The following ZNF385D variants were observed in gnomAD, a reference collection of about 807,000 sequenced individuals.
ZNF385D encodes zinc finger protein 659.
ZNF385D carries 15 observed loss-of-function variants against 35.8 expected under a neutral mutation model. The observed-to-expected ratio is 0.42, with a 90% CI of 0.28 to 0.64. The LOEUF (loss-of-function observed/expected upper bound fraction) is 0.64, where lower values mean the gene tolerates loss of function less well. Among genes scored for constraint, ZNF385D ranks in the 30% least tolerant of loss-of-function variants. The pLI, the probability that ZNF385D is intolerant of heterozygous loss-of-function variation, is 0.23. For synonymous variants in ZNF385D, 212 were observed against 186.8 expected, an observed-to-expected ratio of 1.13 and a Z score of -1.10; for missense variants, 474 against 494.6, an observed-to-expected ratio of 0.96 and a Z score of 0.39.
rs557378920 is a variant in ZNF385D, at chr3:22,313,070, T to TA, written c.106+59379dup. Among the ~76,000 whole-genome samples, 282 of 152,034 alleles carry TA rather than the reference T, an allele frequency of 1.9e-3. 4 individuals carry two copies. The highest frequency in any genetic ancestry group is 5.4e-3 in the African/African-American group (226 of 41,468). On this transcript the variant is annotated intron_variant, in intron 2 of 5. Transcript: ENST00000494108. ...TATACCATGGAATACTATGCAGCCA[T>TA]AAAAAATGATGAGTTCATGTCCTTT...
intron 3 of ZNF385D, among the ~76,000 whole-genome samples, chr3:21,906,634 A>C (rs1699698809): frequency 6.6e-6 from 1 of 151,800 alleles, no homozygotes; most frequent in Non-Finnish European, 1.5e-5. Context: ...GGTCAGTGCC[A>C]CTCTCTTTCT....
At chr3:22,069,278 GT>G (rs1236490435) in intron 3 of ZNF385D, among the ~76,000 whole-genome samples, 1 of 152,094 alleles carries the variant, frequency 6.6e-6, no homozygotes, top group Non-Finnish European at 1.5e-5. Context: ...CTGGCAAATG[GT>G]TCTACATACC....
chr3:22,282,778 GA>G (rs961540130), intron 2 of ZNF385D, among the ~76,000 whole-genome samples: 4 of 151,274 alleles, frequency 2.6e-5, no homozygotes, highest in Non-Finnish European at 3.0e-5. Context: ...ATAACACAAT[GA>G]AAAAAAACAC....
At chr3:22,147,081 A>T (rs1345336251) in intron 3 of ZNF385D, among the ~76,000 whole-genome samples, 1 of 152,200 alleles carries the variant, frequency 6.6e-6, no homozygotes, top group Admixed American at 6.5e-5. Context: ...AGTAAATATT[A>T]CTCTTGACAT....
chr3:21,967,890 C>T (rs1702999415), intron 3 of ZNF385D, among the ~76,000 whole-genome samples: 1 of 152,190 alleles, frequency 6.6e-6, no homozygotes, highest in South Asian at 2.1e-4. Context: ...ACAAAAACCA[C>T]CACCATAAGA....
intron 3 of ZNF385D, among the ~76,000 whole-genome samples, chr3:21,836,916 C>G (rs1695363546): frequency 6.6e-6 from 1 of 152,002 alleles, no homozygotes; most frequent in South Asian, 2.1e-4. Context: ...TTCCACTCTT[C>G]TTCTCTTCCC....
At chr3:21,876,025 C>T (rs543445337) in intron 3 of ZNF385D, among the ~76,000 whole-genome samples, 12 of 152,152 alleles carry the variant, frequency 7.9e-5, no homozygotes, top group South Asian at 2.1e-4. Flanking sequence ...GAAAGAAAAA[C>T]GAGTTACTTC....
At chr3:21,923,570 T>C (rs1030249819) in intron 3 of ZNF385D, among the ~76,000 whole-genome samples, 3 of 152,196 alleles carry the variant, frequency 2.0e-5, no homozygotes, top group Admixed American at 2.0e-4. Flanking sequence ...ATGTTCCTCA[T>C]GGCACTATTT....
At chr3:21,443,417 G>A (rs748327809) in intron 4 of ZNF385D, 4 of 918,670 alleles carry the variant, frequency 4.4e-6, no homozygotes, top group Non-Finnish European at 5.2e-6. Flanking sequence ...AAAATTTTGG[G>A]GGTCTGTCTT....
chr3:21,782,436 C>G (rs553815685), intron 3 of ZNF385D, among the ~76,000 whole-genome samples: 2 of 152,186 alleles, frequency 1.3e-5, no homozygotes, highest in African/African-American at 4.8e-5. Flanking sequence ...CGTTTAAGGT[C>G]ACCAGTTAAC....
intron 3 of ZNF385D, among the ~76,000 whole-genome samples, chr3:21,521,775 A>G (rs970488604): frequency 1.3e-5 from 2 of 152,280 alleles, no homozygotes; most frequent in African/African-American, 4.8e-5. Flanking sequence ...AAACGTCTCT[A>G]TAAAAAAATA....
chr3:22,335,328 G>T (rs1404412072), intron 2 of ZNF385D, among the ~76,000 whole-genome samples: 1 of 152,124 alleles, frequency 6.6e-6, no homozygotes, highest in African/African-American at 2.4e-5. Context: ...CATGAACATT[G>T]TGAGTGTACA....
rs200881064 is a variant in ZNF385D, at chr3:22,337,727, C to CT, written c.106+34722dup. On this transcript the variant is annotated intron_variant, in intron 2 of 5. Transcript: ENST00000494108. ...TAAAAGCTTCAATATTCTCTACCTC[C>CT]TTTTTTGCTTTTATTTTCATATTTG... is the stretch of plus-strand genomic sequence containing the variant. 9.3e-3 allele frequency among the ~76,000 whole-genome samples: 1,418 copies of CT among 152,218 alleles called. 22 individuals carry two copies. The highest frequency in any genetic ancestry group is 0.032 in the African/African-American group (1,316 of 41,522).
At chr3:22,158,775 T>G (rs1686551609) in intron 3 of ZNF385D, among the ~76,000 whole-genome samples, 1 of 151,866 alleles carries the variant, frequency 6.6e-6, no homozygotes, top group Non-Finnish European at 1.5e-5. Context: ...CTGGTGTAGA[T>G]CTATAGAAAC....
chr3:21,741,354 AC>A (rs1422079081), intron 1 of ZNF385D, among the ~76,000 whole-genome samples: 4 of 152,184 alleles, frequency 2.6e-5, no homozygotes, highest in Non-Finnish European at 4.4e-5. Context: ...CTTCCAATTT[AC>A]CTTTTAACTG....
intron 1 of ZNF385D, among the ~76,000 whole-genome samples, chr3:21,741,759 A>G (rs529015025): frequency 1.3e-5 from 2 of 152,084 alleles, no homozygotes; most frequent in East Asian, 3.9e-4. Context: ...TTATTAATAA[A>G]CTCTCTCAGT....
chr3:21,985,953 G>A (rs1199766053), intron 3 of ZNF385D, among the ~76,000 whole-genome samples: 13 of 122,484 alleles, frequency 1.1e-4, no homozygotes, highest in African/African-American at 3.4e-4. Context: ...GTTTATTTGC[G>A]TAGAGGTGTT....
At chr3:21,867,056 T>C (rs568623603) in intron 3 of ZNF385D, among the ~76,000 whole-genome samples, 66 of 152,220 alleles carry the variant, frequency 4.3e-4, no homozygotes, top group African/African-American at 1.5e-3. Flanking sequence ...GTCTGGAGGC[T>C]GAAAAGTCCA....
chr3:21,953,437 C>T (rs1702153942), intron 3 of ZNF385D, among the ~76,000 whole-genome samples: 2 of 151,884 alleles, frequency 1.3e-5, no homozygotes, highest in South Asian at 4.1e-4. Flanking sequence ...ATTCCTTATG[C>T]TATATTTGAA....
Sources: allele counts gnomAD v4.1 joint callset (sites outside exome capture counted in the v4.1 genomes callset), GRCh38; gene constraint gnomAD v4.1.1; transcripts MANE v1.5; gene names NCBI Gene and HGNC (gene_info 2026-07-23, HGNC 2026-07-21).